The following AUH variants were observed in gnomAD, a reference collection of about 807,000 sequenced individuals.
The protein encoded by AUH is methylglutaconyl-CoA hydratase, mitochondrial.
Under a neutral mutation model 42.3 loss-of-function variants are expected in AUH, and 29 were observed. The observed-to-expected ratio is 0.69, with a 90% CI of 0.51 to 0.93. AUH has a LOEUF of 0.93. Ranked by LOEUF, AUH falls within the 40% of genes least tolerant of loss-of-function variation. The pLI, the probability that AUH is intolerant of heterozygous loss-of-function variation, is 0.00. For synonymous variants in AUH, 174 were observed against 166.4 expected (o/e 1.05, Z -0.35); for missense variants, 452 against 438.1 (o/e 1.03, Z -0.28).
intron 6 of AUH, among the ~76,000 whole-genome samples, chr9:91,244,335 T>C (rs906841664): frequency 6.6e-6 from 1 of 152,238 alleles, no homozygotes; most frequent in African/African-American, 2.4e-5. Flanking sequence ...AAAGCTGTCA[T>C]AATAAAATGT....
At chr9:91,261,319 G>A (rs142537735) in intron 6 of AUH, among the ~76,000 whole-genome samples, 2 of 152,306 alleles carry the variant, frequency 1.3e-5, no homozygotes, top group East Asian at 3.9e-4. Flanking sequence ...TGTTAAGACA[G>A]GCCTAGAGAA....
chr9:91,304,616 C>G (rs1290681764), intron 4 of AUH, among the ~76,000 whole-genome samples: 1 of 152,116 alleles, frequency 6.6e-6, no homozygotes, highest in Non-Finnish European at 1.5e-5. Flanking sequence ...AATTTGGGTT[C>G]CACATACAAA....
chr9:91,360,199 G>A (rs930275533), intron 1 of AUH: 4 of 152,148 alleles, frequency 2.6e-5, no homozygotes, highest in African/African-American at 9.7e-5. Flanking sequence ...CATATTAGTA[G>A]CTGTACTTGC....
At chr9:91,294,612 C>T (rs1403280883) in intron 6 of AUH, 2 of 437,154 alleles carry the variant, frequency 4.6e-6, no homozygotes, top group Non-Finnish European at 9.2e-6. Flanking sequence ...AGTGATTCCT[C>T]TTATGGATCT....
intron 1 of AUH, 94 bp downstream of exon 1, chr9:91,361,534 C>A: frequency 2.7e-6 from 4 of 1,498,858 alleles, no homozygotes; most frequent in Non-Finnish European, 3.6e-6. Context: ...CTGACCTCGA[C>A]CCCGCGTCCT....
chr9:91,222,324 C>A (rs545978738), intron 6 of AUH, among the ~76,000 whole-genome samples: 1 of 152,266 alleles, frequency 6.6e-6, no homozygotes, highest in African/African-American at 2.4e-5. Context: ...CATTATTAAG[C>A]AAACCATGTT....
intron 3 of AUH, among the ~76,000 whole-genome samples, chr9:91,350,921 GTTATT>G (rs1005577234): frequency 1.3e-5 from 2 of 151,722 alleles, no homozygotes; most frequent in African/African-American, 4.8e-5. Flanking sequence ...ATATAACGAA[GTTATT>G]TCAGAAAGTT....
In AUH at chr9:91,227,073, T is replaced by A. The variant is rs200071739; in HGVS notation, c.656-6081A>T. Among the ~76,000 whole-genome samples, 162 of 151,782 alleles carry A rather than the reference T, an allele frequency of 1.1e-3. 1 individual carries two copies. In the East Asian group the frequency reaches 0.031, roughly 29 times the overall value. On this transcript the variant is annotated intron_variant, in intron 6 of 9. Coordinates refer to ENST00000375731, the MANE Select transcript of AUH (RefSeq NM_001698.3). ...TCCATATGAACTTTAAAGTAGTTTC[T>A]CCCAATTCTGTAAAGAAAGGCATTG...
intron 6 of AUH, among the ~76,000 whole-genome samples, chr9:91,257,260 C>T (rs1377352490): frequency 6.6e-6 from 1 of 152,082 alleles, no homozygotes; most frequent in Non-Finnish European, 1.5e-5. Flanking sequence ...GTCTCTGCCA[C>T]AGAGACTACT....
At chr9:91,323,048 T>C (rs1034637380) in intron 4 of AUH, among the ~76,000 whole-genome samples, 1 of 152,144 alleles carries the variant, frequency 6.6e-6, no homozygotes, top group Non-Finnish European at 1.5e-5. Flanking sequence ...GAGAACTGCC[T>C]GAATATCATA....
intron 4 of AUH, among the ~76,000 whole-genome samples, chr9:91,312,849 C>A (rs1828813372): frequency 6.6e-6 from 1 of 152,180 alleles, no homozygotes. Flanking sequence ...AGGAAGCAGG[C>A]CCGTAAGTAC....
chr9:91,261,145 T>G (rs543061091), intron 6 of AUH, among the ~76,000 whole-genome samples: 1 of 152,322 alleles, frequency 6.6e-6, no homozygotes, highest in Non-Finnish European at 1.5e-5. Flanking sequence ...CGTATTTTCC[T>G]GCTTCATCAT....
chr9:91,262,411 C>T (rs966898772), intron 6 of AUH, among the ~76,000 whole-genome samples: 23 of 152,186 alleles, frequency 1.5e-4, no homozygotes, highest in African/African-American at 5.3e-4. Context: ...CCAGCTATTA[C>T]GGTCTTCCCT....
At chr9:91,291,594 G>A (rs961594282) in intron 6 of AUH, among the ~76,000 whole-genome samples, 2 of 152,178 alleles carry the variant, frequency 1.3e-5, no homozygotes, top group South Asian at 2.1e-4. Context: ...AAATGTTTTG[G>A]CCTACAAGAA....
At chr9:91,351,803 A>G (rs958685822) in intron 3 of AUH, among the ~76,000 whole-genome samples, 1 of 152,220 alleles carries the variant, frequency 6.6e-6, no homozygotes, top group Non-Finnish European at 1.5e-5. Context: ...TGATGATCTG[A>G]GATGGAACAG....
At position 91,214,304 on chromosome 9, in the gene AUH, G is replaced by A; in HGVS notation, c.*44C>T. The stretch of plus-strand genomic sequence containing the variant: ...TAGTGGATCCGAAAGACACTTCCAG[G>A]AAGTACATTTATTACATTGGCATCT... On this transcript the variant is annotated 3_prime_UTR_variant, in exon 10 of 10. Coordinates refer to ENST00000375731, the MANE Select transcript of AUH (RefSeq NM_001698.3). The A allele has an allele frequency of 1.3e-6, 2 of 1,515,900 alleles. No individual in the cohort carries two copies. The highest frequency in any genetic ancestry group is 1.2e-5 in the South Asian group (1 of 86,476). 93.9% of individuals were successfully genotyped at this position (1,515,900 alleles called of 1,614,324 possible).
At chr9:91,296,498 T>G (rs193285322) in intron 5 of AUH, among the ~76,000 whole-genome samples, 1 of 152,332 alleles carries the variant, frequency 6.6e-6, no homozygotes, top group Admixed American at 6.5e-5. Flanking sequence ...ATATCAGATA[T>G]GGCAACTTTT....
intron 4 of AUH, among the ~76,000 whole-genome samples, chr9:91,305,246 C>A (rs1459788496): frequency 6.6e-6 from 1 of 152,104 alleles, no homozygotes; most frequent in African/African-American, 2.4e-5. Flanking sequence ...AGGACGTATT[C>A]TTTAATATAA....
chr9:91,297,847 C>A, intron 5 of AUH, 137 bp downstream of exon 5: 1 of 762,100 alleles, frequency 1.3e-6, no homozygotes, highest in South Asian at 1.6e-5. Flanking sequence ...TTCGAAAACA[C>A]CATTAGGACC....
Sources: gnomAD v4.1 joint callset for allele counts (sites outside exome capture counted in the v4.1 genomes callset) on GRCh38, gnomAD v4.1.1 for gene constraint, MANE v1.5 for transcripts, NCBI Gene and HGNC (gene_info 2026-07-23, HGNC 2026-07-21) for gene names.